Variants in ERAP2 observed in about 807,000 individuals in gnomAD.
ERAP2 encodes leukocyte-derived arginine aminopeptidase.
A neutral mutation model predicts 111.1 loss-of-function variants in ERAP2; 118 were observed. The observed-to-expected ratio is 1.06, with a 90% CI of 0.92 to 1.24. The LOEUF (loss-of-function observed/expected upper bound fraction) is 1.24, where lower values mean the gene tolerates loss of function less well. ERAP2 is among the 50% of genes most tolerant of loss of function. ERAP2 has a pLI of 0.00. For missense variants in ERAP2, 1,131 were observed against 1,125.8 expected, an observed-to-expected ratio of 1.00 and a Z score of -0.07; for synonymous variants, 410 against 401.2, an observed-to-expected ratio of 1.02 and a Z score of -0.26.
At chr5:96,878,592 G>A (rs1224071807) in intron 1 of ERAP2, among the ~76,000 whole-genome samples, 1 of 152,048 alleles carries the variant, frequency 6.6e-6, no homozygotes, top group African/African-American at 2.4e-5. Context: ...CCAGGAATTT[G>A]AGGCCAGCCT....
At chr5:96,903,653 G>A in intron 13 of ERAP2, 93 bp downstream of exon 13, 1 of 1,165,084 alleles carries the variant, frequency 8.6e-7, no homozygotes, top group Non-Finnish European at 1.2e-6. Context: ...ATTGGTCATT[G>A]ATTTAATATG....
chr5:96,902,681 A>G, intron 12 of ERAP2: 1 of 192,504 alleles, frequency 5.2e-6, no homozygotes, highest in South Asian at 1.1e-4. Flanking sequence ...GGAAAAAAGC[A>G]CATACTTTAA....
At chr5:96,917,437 A>C in intron 18 of ERAP2, 25 bp from the exon 19 acceptor site, 1 of 1,592,538 alleles carries the variant, frequency 6.3e-7, no homozygotes, top group Non-Finnish European at 8.6e-7. Context: ...AAGTGTTAGT[A>C]ATTTTTTTCT....
intron 4 of ERAP2, 71 bp downstream of exon 4, chr5:96,886,860 A>C: frequency 1.8e-5 from 23 of 1,268,960 alleles, no homozygotes; most frequent in Non-Finnish European, 1.8e-5. Flanking sequence ...TTGTTTTCTC[A>C]TGTTTTTCAT....
At chr5:96,889,741 T>C (rs1468466125) in intron 5 of ERAP2, among the ~76,000 whole-genome samples, 1 of 152,096 alleles carries the variant, frequency 6.6e-6, no homozygotes, top group Non-Finnish European at 1.5e-5. Flanking sequence ...TATGCTCCTC[T>C]TCTGTGGGAG....
At chr5:96,898,207 T>TAATAAC (rs1324985584) in intron 9 of ERAP2, among the ~76,000 whole-genome samples, 1 of 151,424 alleles carries the variant, frequency 6.6e-6, no homozygotes, top group Non-Finnish European at 1.5e-5. Context: ...ATAATAATAA[T>TAATAAC]AATAACAATA....
rs1166969976 is a variant in ERAP2, at chr5:96,884,879, TG to T, written c.714+951del. Among the ~76,000 whole-genome samples the T allele has an allele frequency of 9.2e-5, 14 of 152,362 alleles. No homozygotes were observed. In the East Asian group the frequency reaches 2.7e-3, roughly 29 times the overall value. ...ATCCTGTAAGGAAACACACACTCAC[TG>T]GTGACAATTGCCATGCAAGTAAACT... is the stretch of plus-strand genomic sequence containing the variant. On this transcript the variant is annotated intron_variant, in intron 3 of 18. Transcript: ENST00000437043.
intron 5 of ERAP2, among the ~76,000 whole-genome samples, chr5:96,890,914 A>G (rs532052833): frequency 6.6e-6 from 1 of 152,216 alleles, no homozygotes; most frequent in Admixed American, 6.5e-5. Flanking sequence ...TTCTTGAAAA[A>G]TGCAGTCTTA....
chr5:96,880,770 G>A (rs1276290976), intron 2 of ERAP2, among the ~76,000 whole-genome samples: 1 of 152,246 alleles, frequency 6.6e-6, no homozygotes, highest in Non-Finnish European at 1.5e-5. Context: ...CACATACTAT[G>A]TGCCAGGCAC....
intron 3 of ERAP2, 47 bp from the exon 4 acceptor site, chr5:96,886,608 A>G: frequency 6.9e-7 from 1 of 1,443,292 alleles, no homozygotes; most frequent in East Asian, 2.4e-5. Flanking sequence ...CATGGTTATG[A>G]AATACTCCAG....
At chr5:96,903,742 A>G (rs1466418274) in intron 13 of ERAP2, among the ~76,000 whole-genome samples, 182 bp downstream of exon 13, 1 of 152,016 alleles carries the variant, frequency 6.6e-6, no homozygotes, top group African/African-American at 2.4e-5. Context: ...CACAGTGTTT[A>G]TAATTGTAAT....
intron 12 of ERAP2, 187 bp downstream of exon 12, chr5:96,902,540 G>T: frequency 1.9e-6 from 1 of 513,854 alleles, no homozygotes; most frequent in Non-Finnish European, 3.5e-6. Flanking sequence ...CATTCAGTGG[G>T]AAGTTCTCTT....
intron 15 of ERAP2, 135 bp from the exon 16 acceptor site, chr5:96,912,502 G>T: frequency 1.9e-6 from 1 of 536,968 alleles, no homozygotes; most frequent in Non-Finnish European, 3.1e-6. Context: ...TAAGAGTTCG[G>T]CAGAGAAAAA....
intron 13 of ERAP2, among the ~76,000 whole-genome samples, chr5:96,905,662 T>A (rs920223174): frequency 1.3e-5 from 2 of 152,138 alleles, no homozygotes; most frequent in African/African-American, 4.8e-5. Context: ...AGCAGGCAGA[T>A]CACTTGAAGC....
chr5:96,893,603 C>T (rs1165435180), intron 6 of ERAP2, among the ~76,000 whole-genome samples: 1 of 152,210 alleles, frequency 6.6e-6, no homozygotes, highest in Non-Finnish European at 1.5e-5. Context: ...AGCTCTACCT[C>T]TGAGGCTCCA....
chr5:96,900,440 G>A (rs114928905), intron 10 of ERAP2, among the ~76,000 whole-genome samples: 6,092 of 152,188 alleles, frequency 0.04, 174 homozygotes, highest in Non-Finnish European at 0.065. Context: ...AAATATCTCA[G>A]CGCAAAATGT....
chr5:96,903,559 G>T lies in ERAP2; in HGVS notation c.2011G>T (p.Gly671Cys). ...GATTCATGATGTGTTTCAGCTAGTT[G>T]GGTAAGGCAACATTTCCTCTGACTT... ...GLIHDVFQLV[G>C]AGRLTLDKAL... Residue 671 changes from glycine to cysteine, a missense_variant and splice_region_variant, in exon 13 of 19, where the codon GGT becomes TGT. Physicochemically the swap from Gly to Cys is radical, Grantham distance 159. Coordinates refer to ENST00000437043, the MANE Select transcript of ERAP2 (RefSeq NM_022350.5). 1 of 1,588,890 alleles carries T rather than the reference G, an allele frequency of 6.3e-7. No individual in the cohort carries two copies. Among genetic ancestry groups the T allele is most frequent in the Admixed American group, 1.9e-5 (1 of 54,040 alleles).
At chr5:96,900,909 C>T (rs1319619078) in intron 10 of ERAP2, among the ~76,000 whole-genome samples, 1 of 152,114 alleles carries the variant, frequency 6.6e-6, no homozygotes, top group African/African-American at 2.4e-5. Context: ...AGGCAATTCG[C>T]CCACCTTGGC....
At chr5:96,877,572 G>T (rs1219444220) in intron 1 of ERAP2, among the ~76,000 whole-genome samples, 1 of 152,218 alleles carries the variant, frequency 6.6e-6, no homozygotes, top group Non-Finnish European at 1.5e-5. Context: ...ATCCCAGCAT[G>T]AGGAAGGTAT....
Sources: allele counts gnomAD v4.1 joint callset (sites outside exome capture counted in the v4.1 genomes callset), GRCh38; gene constraint gnomAD v4.1.1; transcripts MANE v1.5; gene names NCBI Gene and HGNC (gene_info 2026-07-23, HGNC 2026-07-21).